Variants in IL1RAPL2 observed in about 807,000 individuals in gnomAD.
IL1RAPL2 encodes the protein interleukin 1 receptor accessory protein like 2.
In IL1RAPL2, 3 loss-of-function variants were observed where a neutral mutation model predicts 44.1. The ratio of observed to expected loss-of-function variants is 0.07; its 90% CI spans 0.03 to 0.18. The LOEUF (loss-of-function observed/expected upper bound fraction) is 0.18, where lower values mean the gene tolerates loss of function less well. Among genes scored for constraint, IL1RAPL2 ranks in the 10% least tolerant of loss-of-function variants. The probability of loss-of-function intolerance (pLI) is 1.00; values close to 1 mark genes in which losing one functional copy is unlikely to be tolerated. For synonymous variants in IL1RAPL2, 181 were observed against 178.8 expected (o/e 1.01, Z -0.10); for missense variants, 391 against 496.4 (o/e 0.79, Z 2.02).
intron 6 of IL1RAPL2, among the ~76,000 whole-genome samples, chrX:105,550,386 A>G (rs765976785): frequency 1.1e-4 from 12 of 112,328 alleles, no homozygotes; most frequent in Middle Eastern, 4.6e-3. Context: ...GACTCAATAA[A>G]AAGGGATGGA....
chrX:105,238,253 G>A (rs373564793), intron 4 of IL1RAPL2, among the ~76,000 whole-genome samples: 82 of 112,328 alleles, frequency 7.3e-4, no homozygotes, highest in African/African-American at 2.6e-3. Flanking sequence ...ACCTCCACTT[G>A]TTATAGTTGA....
chrX:105,535,390 A>T (rs2036670142), intron 6 of IL1RAPL2, among the ~76,000 whole-genome samples: 1 of 111,917 alleles, frequency 8.9e-6, no homozygotes, highest in Non-Finnish European at 1.9e-5. Context: ...TCTGGAAAAA[A>T]GTTTGGCAGA....
chrX:105,398,988 C>T (rs944396861), intron 5 of IL1RAPL2, among the ~76,000 whole-genome samples: 1 of 111,641 alleles, frequency 9.0e-6, no homozygotes, highest in Non-Finnish European at 1.9e-5. Flanking sequence ...CCCTGTCGAC[C>T]CTATATTTAG....
rs1052086502 is a variant in IL1RAPL2, at chrX:104,699,156, A to G, written c.82+40161A>G. On this transcript the variant is annotated intron_variant, in intron 2 of 10. Coordinates refer to ENST00000372582, the MANE Select transcript of IL1RAPL2 (RefSeq NM_017416.2). ...CCAGGGACTGGTTTTGTGGAAGACA[A>G]TTTTTCTGTGGACTTGGTGGGGGGA... Among the ~76,000 whole-genome samples, 8 of 111,072 alleles carry G rather than the reference A, an allele frequency of 7.2e-5. 1 individual carries two copies. Among genetic ancestry groups the G allele is most frequent in the Admixed American group, 3.8e-4 (4 of 10,449 alleles).
At chrX:105,584,686 T>C (rs1327729613) in intron 6 of IL1RAPL2, among the ~76,000 whole-genome samples, 1 of 111,612 alleles carries the variant, frequency 9.0e-6, no homozygotes, top group Non-Finnish European at 1.9e-5. Flanking sequence ...ACAGCCTTTT[T>C]ATCAGCAGCT....
chrX:104,792,903 CA>C (rs1353807132), intron 2 of IL1RAPL2, among the ~76,000 whole-genome samples: 8 of 111,681 alleles, frequency 7.2e-5, no homozygotes, highest in African/African-American at 2.6e-4. Context: ...AATAAATACC[CA>C]AAAGAAGCAA....
chrX:104,813,402 AT>A (rs34063707), intron 2 of IL1RAPL2, among the ~76,000 whole-genome samples: 21 of 108,467 alleles, frequency 1.9e-4, no homozygotes, highest in African/African-American at 6.7e-4. Context: ...AAGCATAAAG[AT>A]TTTTTTTTGT....
At chrX:105,108,080 C>T (rs985037477) in intron 2 of IL1RAPL2, among the ~76,000 whole-genome samples, 1 of 111,081 alleles carries the variant, frequency 9.0e-6, no homozygotes, top group Non-Finnish European at 1.9e-5. Context: ...CTCTACCCTC[C>T]CTAAATTCAG....
chrX:105,514,514 G>T (rs2036497029), intron 6 of IL1RAPL2, among the ~76,000 whole-genome samples: 1 of 112,625 alleles, frequency 8.9e-6, no homozygotes, highest in East Asian at 2.8e-4. Context: ...AACCTTATAT[G>T]TGGTAGAATA....
intron 2 of IL1RAPL2, among the ~76,000 whole-genome samples, chrX:105,154,539 A>G (rs2033253716): frequency 9.0e-6 from 1 of 111,302 alleles, no homozygotes; most frequent in African/African-American, 3.3e-5. Flanking sequence ...TATCCTGTGC[A>G]GATGGCTTTG....
intron 2 of IL1RAPL2, among the ~76,000 whole-genome samples, chrX:104,966,618 A>T (rs189679486): frequency 8.9e-6 from 1 of 112,355 alleles, no homozygotes; most frequent in African/African-American, 3.2e-5. Flanking sequence ...GAATAACAGG[A>T]AGAAACACAC....
chrX:105,323,216 A>G (rs1449846595), intron 5 of IL1RAPL2, among the ~76,000 whole-genome samples: 1 of 112,609 alleles, frequency 8.9e-6, no homozygotes. Flanking sequence ...TATTCAAAAT[A>G]TATCTTTTAG....
chrX:105,280,646 C>T (rs1251258756), intron 5 of IL1RAPL2, among the ~76,000 whole-genome samples: 3 of 111,686 alleles, frequency 2.7e-5, no homozygotes, highest in African/African-American at 9.7e-5. Flanking sequence ...AAAGAAGACA[C>T]TTATGCAGCC....
chrX:105,184,363 A>G (rs1305918429), intron 2 of IL1RAPL2, among the ~76,000 whole-genome samples: 1 of 110,537 alleles, frequency 9.0e-6, no homozygotes, highest in Non-Finnish European at 1.9e-5. Context: ...AATTTCATAT[A>G]ATTAAACTAT....
At chrX:105,093,500 C>T (rs1487499716) in intron 2 of IL1RAPL2, among the ~76,000 whole-genome samples, 1 of 110,975 alleles carries the variant, frequency 9.0e-6, no homozygotes, top group African/African-American at 3.3e-5. Flanking sequence ...CAAGTAATAA[C>T]AGGAGAGGGA....
intron 1 of IL1RAPL2, among the ~76,000 whole-genome samples, chrX:104,637,799 T>C (rs1172208954): frequency 9.2e-6 from 1 of 108,356 alleles, no homozygotes; most frequent in African/African-American, 3.4e-5. Context: ...TGTGTGTGTG[T>C]GTCTGTGTGT....
chrX:105,409,856 A>G (rs1028859387), intron 5 of IL1RAPL2, among the ~76,000 whole-genome samples: 3 of 71,583 alleles, frequency 4.2e-5, no homozygotes, highest in African/African-American at 1.3e-4. Context: ...AGACAGACAG[A>G]CAGACAGACA....
intron 1 of IL1RAPL2, among the ~76,000 whole-genome samples, chrX:104,634,100 T>C (rs1033147169): frequency 5.4e-5 from 6 of 111,876 alleles, no homozygotes; most frequent in African/African-American, 2.0e-4. Context: ...TTTCGTTATG[T>C]AGCCAGTAGT....
At chrX:105,298,688 A>G (rs962094966) in intron 5 of IL1RAPL2, among the ~76,000 whole-genome samples, 2 of 110,275 alleles carry the variant, frequency 1.8e-5, no homozygotes, top group Non-Finnish European at 3.8e-5. Flanking sequence ...ATGCTACTAG[A>G]TGAGATAACC....
Sources: allele counts gnomAD v4.1 joint callset (sites outside exome capture counted in the v4.1 genomes callset), GRCh38; gene constraint gnomAD v4.1.1; transcripts MANE v1.5; gene names NCBI Gene and HGNC (gene_info 2026-07-23, HGNC 2026-07-21).